KALRN: variants seen among roughly 807,000 people sequenced by gnomAD.
KALRN encodes kalirin.
KALRN carries 70 observed loss-of-function variants against 353.7 expected under a neutral mutation model. That is an observed-to-expected ratio of 0.20 (90% CI 0.16 to 0.24). The LOEUF is 0.24. Ranked by LOEUF, KALRN falls within the 10% of genes least tolerant of loss-of-function variation. KALRN has a pLI of 1.00. For synonymous variants in KALRN, 1,391 were observed against 1,434.8 expected, an observed-to-expected ratio of 0.97 and a Z score of 0.69; for missense variants, 2,791 against 3,756.7, an observed-to-expected ratio of 0.74 and a Z score of 6.72.
intron 1 of KALRN, among the ~76,000 whole-genome samples, chr3:124,060,025 G>C (rs182654587): frequency 7.9e-5 from 12 of 152,248 alleles, no homozygotes; most frequent in South Asian, 2.1e-4. Flanking sequence ...CCTCAGCCTG[G>C]TTGCCATTCT....
chr3:124,085,644 C>T (rs1338339277), intron 1 of KALRN, among the ~76,000 whole-genome samples: 1 of 152,118 alleles, frequency 6.6e-6, no homozygotes, highest in Non-Finnish European at 1.5e-5. Flanking sequence ...AAATTGCTGC[C>T]ATGGTCCTGA....
chr3:124,662,361 C>A (rs1578764650), intron 45 of KALRN, among the ~76,000 whole-genome samples: 1 of 151,920 alleles, frequency 6.6e-6, no homozygotes. Context: ...CACCACCATA[C>A]CTGGCTTATT....
At chr3:124,664,370 T>TGCGCGC (rs1553719790) in intron 45 of KALRN, among the ~76,000 whole-genome samples, 1,635 of 129,498 alleles carry the variant, frequency 0.013, 66 homozygotes, top group African/African-American at 0.036. Context: ...TGTGTGTGTG[T>TGCGCGC]GCGCGCGCGC....
intron 34 of KALRN, among the ~76,000 whole-genome samples, chr3:124,611,342 T>C (rs1219150240): frequency 6.6e-6 from 1 of 152,202 alleles, no homozygotes; most frequent in Non-Finnish European, 1.5e-5. Flanking sequence ...TAAGTTGAGA[T>C]ACCAGGTGAC....
chr3:124,467,960 A>C (rs1020608420), intron 25 of KALRN, among the ~76,000 whole-genome samples: 1 of 151,946 alleles, frequency 6.6e-6, no homozygotes, highest in Admixed American at 6.6e-5. Flanking sequence ...TAGGGTAGGT[A>C]GTCAGGCAGG....
intron 33 of KALRN, among the ~76,000 whole-genome samples, chr3:124,497,761 A>G (rs4678118): frequency 0.14 from 21,660 of 152,164 alleles, 2,266 homozygotes; most frequent in African/African-American, 0.29. Flanking sequence ...TCCTCTTTAA[A>G]CAGTCAGTGG....
At chr3:124,653,955 G>A (rs1413575213) in intron 38 of KALRN, among the ~76,000 whole-genome samples, 1 of 152,172 alleles carries the variant, frequency 6.6e-6, no homozygotes, top group Non-Finnish European at 1.5e-5. Flanking sequence ...CAAGGGAAGA[G>A]ATGACAGGTC....
rs542708922 is a variant in KALRN at position 124,198,329 on chromosome 3, C to G, written c.74-29661C>G. Among the ~76,000 whole-genome samples the G allele has an allele frequency of 8.9e-4, 135 of 152,328 alleles. 1 individual carries two copies. The highest frequency in any genetic ancestry group is 3.2e-3 in the African/African-American group (131 of 41,576). On this transcript the variant is annotated intron_variant, in intron 1 of 59. Coordinates refer to ENST00000682506, the MANE Select transcript of KALRN (RefSeq NM_001388419.1). ...GTCAAGTTTCTTAACTTCTTTAAGC[C>G]TGATTTTTCTCATCTGAAATTGGGA... is the stretch of plus-strand genomic sequence containing the variant.
intron 1 of KALRN, among the ~76,000 whole-genome samples, chr3:124,177,791 G>GT (rs555538708): frequency 1.4e-4 from 21 of 152,174 alleles, no homozygotes; most frequent in Non-Finnish European, 2.1e-4. Context: ...AAAGATCGCT[G>GT]TATTTTAGTG....
chr3:124,692,110 C>G (rs1049199523), intron 51 of KALRN, among the ~76,000 whole-genome samples: 5 of 152,184 alleles, frequency 3.3e-5, no homozygotes, highest in Non-Finnish European at 5.9e-5. Flanking sequence ...ATGCCCAGGC[C>G]CCACCTCACA....
intron 1 of KALRN, among the ~76,000 whole-genome samples, chr3:124,103,271 G>A (rs1402456891): frequency 2.6e-5 from 4 of 152,184 alleles, no homozygotes; most frequent in Non-Finnish European, 2.9e-5. Context: ...TGAGGTCCCG[G>A]TGTGGTGTTT....
intron 1 of KALRN, among the ~76,000 whole-genome samples, chr3:124,188,889 C>G (rs902157949): frequency 6.6e-6 from 1 of 152,162 alleles, no homozygotes; most frequent in Non-Finnish European, 1.5e-5. Context: ...TGCAGAGGGG[C>G]CCAGGTAGAT....
At chr3:124,595,737 A>G (rs914944014) in intron 34 of KALRN, among the ~76,000 whole-genome samples, 1 of 152,176 alleles carries the variant, frequency 6.6e-6, no homozygotes, top group African/African-American at 2.4e-5. Flanking sequence ...TTTTAAGAGG[A>G]TTTATGAGAA....
At chr3:124,051,131 G>A (rs1380629688) in intron 1 of KALRN, among the ~76,000 whole-genome samples, 1 of 152,208 alleles carries the variant, frequency 6.6e-6, no homozygotes, top group African/African-American at 2.4e-5. Flanking sequence ...ATGCAAGGGT[G>A]TGATGTTGTT....
chr3:124,359,245 A>C (rs2083752667), intron 10 of KALRN, among the ~76,000 whole-genome samples: 1 of 152,128 alleles, frequency 6.6e-6, no homozygotes, highest in South Asian at 2.1e-4. Flanking sequence ...TGTAAGAATG[A>C]TTGGTGACAG....
intron 58 of KALRN, among the ~76,000 whole-genome samples, chr3:124,714,700 T>C (rs899398764): frequency 3.9e-5 from 6 of 152,092 alleles, no homozygotes; most frequent in Non-Finnish European, 8.8e-5. Flanking sequence ...GGGTAGTTTA[T>C]AGGAGGCAGA....
chr3:124,704,288 C>T (rs2062490091), intron 57 of KALRN, among the ~76,000 whole-genome samples: 1 of 152,194 alleles, frequency 6.6e-6, no homozygotes, highest in South Asian at 2.1e-4. Flanking sequence ...CCAGTTAATT[C>T]CTCCTGGAGG....
intron 3 of KALRN, 33 bp downstream of exon 3, chr3:124,234,976 G>T: frequency 6.6e-7 from 1 of 1,508,430 alleles, no homozygotes; most frequent in East Asian, 2.4e-5. Flanking sequence ...GCAGGGGAGC[G>T]GGAGGGGAGC....
At chr3:124,136,779 A>G (rs1168983490) in intron 1 of KALRN, among the ~76,000 whole-genome samples, 1 of 152,218 alleles carries the variant, frequency 6.6e-6, no homozygotes, top group East Asian at 1.9e-4. Context: ...CCTAGTGCAG[A>G]GTGTGACCTG....
Sources: gnomAD v4.1 joint callset for allele counts (sites outside exome capture counted in the v4.1 genomes callset) on GRCh38, gnomAD v4.1.1 for gene constraint, MANE v1.5 for transcripts, NCBI Gene and HGNC (gene_info 2026-07-23, HGNC 2026-07-21) for gene names.